The following ROBO2 variants were observed in gnomAD, a reference collection of about 807,000 sequenced individuals.
ROBO2 encodes the protein roundabout homolog 2.
A neutral mutation model predicts 160.8 loss-of-function variants in ROBO2; 53 were observed. The ratio of observed to expected loss-of-function variants is 0.33; its 90% CI spans 0.26 to 0.41. ROBO2 has a LOEUF of 0.41. Ranked by LOEUF, ROBO2 falls within the 10% of genes least tolerant of loss-of-function variation. The pLI is 1.00. For missense variants in ROBO2, 1,577 were observed against 1,722.4 expected, an observed-to-expected ratio of 0.92 and a Z score of 1.49; for synonymous variants, 664 against 611.7, an observed-to-expected ratio of 1.09 and a Z score of -1.26.
chr3:77,072,968 G>T (rs936861076), intron 1 of ROBO2, among the ~76,000 whole-genome samples: 1 of 152,178 alleles, frequency 6.6e-6, no homozygotes, highest in Non-Finnish European at 1.5e-5. Context: ...ATGAGTAGCA[G>T]AAGTCAGAAA....
At chr3:76,716,134 G>T (rs1446604043) in intron 2 of ROBO2, among the ~76,000 whole-genome samples, 22 of 152,126 alleles carry the variant, frequency 1.4e-4, no homozygotes, top group Non-Finnish European at 4.4e-5. Flanking sequence ...ACATAGTTTT[G>T]CATATGATAG....
chr3:76,247,042 A>G (rs1445321003), intron 2 of ROBO2, among the ~76,000 whole-genome samples: 1 of 152,164 alleles, frequency 6.6e-6, no homozygotes, highest in African/African-American at 2.4e-5. Context: ...GAGACAGGCC[A>G]TCAGGGCTAC....
chr3:76,257,289 C>T (rs1002964970), intron 2 of ROBO2, among the ~76,000 whole-genome samples: 9 of 147,764 alleles, frequency 6.1e-5, no homozygotes, highest in African/African-American at 2.0e-4. Flanking sequence ...TGTGCACACA[C>T]GTGCATATGT....
intron 16 of ROBO2, among the ~76,000 whole-genome samples, chr3:77,583,725 C>T (rs1370822338): frequency 6.6e-6 from 1 of 152,074 alleles, no homozygotes; most frequent in Non-Finnish European, 1.5e-5. Context: ...TTTATTTTCA[C>T]ATGCCTAGTA....
At chr3:77,080,678 G>A (rs117742019) in intron 1 of ROBO2, among the ~76,000 whole-genome samples, 1 of 152,042 alleles carries the variant, frequency 6.6e-6, no homozygotes, top group African/African-American at 2.4e-5. Context: ...CCAAGAACTG[G>A]AAAGCTCTCT....
chr3:77,176,348 G>A (rs574315803), intron 2 of ROBO2, among the ~76,000 whole-genome samples: 2 of 152,044 alleles, frequency 1.3e-5, no homozygotes, highest in African/African-American at 4.8e-5. Context: ...ATACTCGGAC[G>A]GATTTTTCCC....
chr3:76,828,846 CA>C (rs2066811117), intron 2 of ROBO2, among the ~76,000 whole-genome samples: 1 of 151,956 alleles, frequency 6.6e-6, no homozygotes, highest in Non-Finnish European at 1.5e-5. Flanking sequence ...TGCCAAAAGA[CA>C]GATGTTTTTG....
At chr3:76,888,349 C>T (rs2074073765) in intron 2 of ROBO2, among the ~76,000 whole-genome samples, 1 of 152,150 alleles carries the variant, frequency 6.6e-6, no homozygotes, top group Admixed American at 6.5e-5. Context: ...GCCTGGGTGA[C>T]AGAACCAGTC....
At chr3:76,842,818 C>T (rs1319429258) in intron 2 of ROBO2, among the ~76,000 whole-genome samples, 4 of 152,052 alleles carry the variant, frequency 2.6e-5, no homozygotes, top group Admixed American at 6.6e-5. Context: ...TAAGGACTTT[C>T]CATACATTAT....
intron 21 of ROBO2, among the ~76,000 whole-genome samples, chr3:77,613,915 C>T (rs1047228032): frequency 1.3e-5 from 2 of 152,066 alleles, no homozygotes; most frequent in African/African-American, 4.8e-5. Context: ...GGGATTTAGC[C>T]TGCATCTTGA....
chr3:76,770,370 C>G (rs2061818488), intron 2 of ROBO2, among the ~76,000 whole-genome samples: 1 of 151,348 alleles, frequency 6.6e-6, no homozygotes, highest in Non-Finnish European at 1.5e-5. Context: ...AATACAACCA[C>G]TCATCATAGT....
At chr3:76,320,300 A>G (rs2072410178) in intron 2 of ROBO2, among the ~76,000 whole-genome samples, 1 of 152,136 alleles carries the variant, frequency 6.6e-6, no homozygotes, top group South Asian at 2.1e-4. Context: ...TAGAGAAAAT[A>G]TTTTCCTGAT....
chr3:76,678,502 T>C (rs116428127), intron 2 of ROBO2, among the ~76,000 whole-genome samples: 2,485 of 152,266 alleles, frequency 0.016, 34 homozygotes, highest in Middle Eastern at 0.054. Flanking sequence ...GCATTAGCAT[T>C]AATGTAATTA....
rs145064807 is a variant in ROBO2, at chr3:77,281,808, T to C, written c.388+183468T>C. On this transcript the variant is annotated intron_variant, in intron 2 of 25. Transcript: ENST00000461745. ...CCTCGGTCATCAGGTGTTCAAGCAGTAGATTCTCATAAGGAGCAGGCAACC... is the reference window on the plus strand; with the variant it reads ...CCTCGGTCATCAGGTGTTCAAGCAGCAGATTCTCATAAGGAGCAGGCAACC... Among the ~76,000 whole-genome samples, 88 of 152,198 alleles carry C rather than the reference T, an allele frequency of 5.8e-4. 1 individual carries two copies. The East Asian group carries it at 0.014, about 24-fold the overall frequency.
At chr3:77,217,567 C>G (rs76667938) in intron 2 of ROBO2, among the ~76,000 whole-genome samples, 40 of 152,278 alleles carry the variant, frequency 2.6e-4, no homozygotes, top group Admixed American at 9.8e-4. Context: ...CATCTTCTGT[C>G]AATAGTTCTT....
At chr3:76,127,612 A>ATG (rs2071041492) in intron 2 of ROBO2, among the ~76,000 whole-genome samples, 2 of 151,764 alleles carry the variant, frequency 1.3e-5, no homozygotes, top group African/African-American at 4.8e-5. Flanking sequence ...ATATATATAT[A>ATG]TACATATACT....
At chr3:75,988,559 G>A (rs531893798) in intron 2 of ROBO2, among the ~76,000 whole-genome samples, 7 of 151,924 alleles carry the variant, frequency 4.6e-5, no homozygotes, top group South Asian at 2.1e-4. Context: ...TTCTAGTTCC[G>A]TAAGTTGTAC....
chr3:77,040,145 C>T (rs2063948085), exon 1 of ROBO2: 1 of 983,872 alleles, frequency 1.0e-6, no homozygotes, highest in East Asian at 1.2e-4. Flanking sequence ...TTTCCCTTCT[C>T]CTCTCTTTTG....
At chr3:77,300,139 G>A (rs2062524483) in intron 2 of ROBO2, among the ~76,000 whole-genome samples, 2 of 151,442 alleles carry the variant, frequency 1.3e-5, no homozygotes, top group Non-Finnish European at 2.9e-5. Flanking sequence ...ACAGCAAAAG[G>A]GAAATTGACA....
Sources: allele counts gnomAD v4.1 joint callset (sites outside exome capture counted in the v4.1 genomes callset), GRCh38; gene constraint gnomAD v4.1.1; transcripts MANE v1.5; gene names NCBI Gene and HGNC (gene_info 2026-07-23, HGNC 2026-07-21).